GRIK3: variants seen among roughly 807,000 people sequenced by gnomAD.
GRIK3 encodes glutamate ionotropic receptor kainate type subunit 3, also known as glutamate receptor ionotropic, kainate 3.
GRIK3 carries 29 observed loss-of-function variants against 102.5 expected under a neutral mutation model. That is an observed-to-expected ratio of 0.28 (90% CI 0.21 to 0.39). The LOEUF is 0.39. Ranked by LOEUF, GRIK3 falls within the 10% of genes least tolerant of loss-of-function variation. GRIK3 has a pLI of 1.00. For synonymous variants in GRIK3, 511 were observed against 504.9 expected (o/e 1.01, Z -0.16); for missense variants, 908 against 1,252.4 (o/e 0.73, Z 4.15).
Position 36,805,200 on chromosome 1 carries a change from C to T in GRIK3, c.2352G>A (p.Leu784=), listed in dbSNP as rs535722062. ...PYRDKITIAI[L]QLQEEDKLHI... is the part of the protein sequence containing the mutation. ...GCAGCTTGTCCTCCTCCTGAAGCTG[C>T]AGGATGGCGATGGTGATCTTGTCCC... Residue 784 remains leucine, a synonymous_variant, in exon 15 of 16, where the codon CTG becomes CTA. Coordinates refer to ENST00000373091, the MANE Select transcript of GRIK3 (RefSeq NM_000831.4). The T allele has an allele frequency of 6.2e-7, 1 of 1,613,646 alleles. No individual in the cohort carries two copies. The highest frequency in any genetic ancestry group is 8.5e-7 in the Non-Finnish European group (1 of 1,179,812).
Position 36,850,265 on chromosome 1 carries a change from A to AC in GRIK3, c.1326+45dup, listed in dbSNP as rs1054513976. 3 of 1,259,068 alleles carry AC rather than the reference A, an allele frequency of 2.4e-6. No individual in the cohort carries two copies. Among genetic ancestry groups the AC allele is most frequent in the Non-Finnish European group, 3.5e-6 (3 of 856,070 alleles). 78.0% of individuals were successfully genotyped at this position (1,259,068 alleles called of 1,614,324 possible). A position where few individuals can be genotyped will look rare whatever the true frequency, so the allele number is the denominator to read the frequency against. Reference sequence around the variant, plus strand: ...ACTCTCCAGCCCGAACGGCCACCCCACCCCCAGGTCGGACAGTCCTTCCTG... The same window carrying AC: ...ACTCTCCAGCCCGAACGGCCACCCCACCCCCCAGGTCGGACAGTCCTTCCTG... On this transcript the variant is annotated intron_variant, in intron 9 of 15. Transcript: ENST00000373091. This position sits in a 1 kb window ranked among gnomAD's most constrained non-coding sequence, Gnocchi z 4.0.
In GRIK3 at chr1:36,982,357, T is replaced by G. The variant is rs558203261; in HGVS notation, c.115+51637A>C. ...CCACAGCTTCTGGAGGAGGCGGCCC[T>G]GCTTGGCGCACCATCCAGAGGAGCT... On this transcript the variant is annotated intron_variant, in intron 1 of 15. Transcript: ENST00000373091. Among the ~76,000 whole-genome samples, 8 of 152,302 alleles carry G rather than the reference T, an allele frequency of 5.3e-5. No homozygotes were observed. In the South Asian group the frequency reaches 1.7e-3, roughly 32 times the overall value.
At chr1:36,999,665 G>A (rs372666124) in intron 1 of GRIK3, among the ~76,000 whole-genome samples, 28 of 152,248 alleles carry the variant, frequency 1.8e-4, no homozygotes, top group African/African-American at 6.5e-4. Flanking sequence ...CACTGAGCCC[G>A]CTCCTACAGA....
intron 1 of GRIK3, among the ~76,000 whole-genome samples, chr1:36,931,519 C>T (rs1177464093): frequency 6.6e-6 from 1 of 152,192 alleles, no homozygotes; most frequent in Admixed American, 6.5e-5. Context: ...TTGTCTATAT[C>T]CCCTAAAAGA....
intron 1 of GRIK3, among the ~76,000 whole-genome samples, chr1:36,963,378 A>G (rs1642036625): frequency 6.6e-6 from 1 of 152,202 alleles, no homozygotes; most frequent in African/African-American, 2.4e-5. Context: ...CGTGAGAGTC[A>G]CACCAATGCT....
At chr1:36,834,298 G>A (rs1206995425) in intron 10 of GRIK3, among the ~76,000 whole-genome samples, 3 of 152,166 alleles carry the variant, frequency 2.0e-5, no homozygotes, top group Non-Finnish European at 2.9e-5. Context: ...TGTCTCAGGA[G>A]TGCCATCCTG....
chr1:36,970,295 A>G (rs1408059785), intron 1 of GRIK3, among the ~76,000 whole-genome samples: 2 of 152,158 alleles, frequency 1.3e-5, no homozygotes, highest in African/African-American at 4.8e-5. Flanking sequence ...TGTCTTCCAC[A>G]GGTGATGAGT....
rs538656966 is a variant in GRIK3, at chr1:36,796,911, A to G, written c.*4940T>C. 6.6e-6 allele frequency: 1 copy of G among 152,266 alleles called. No homozygotes were observed. The highest frequency in any genetic ancestry group is 2.1e-4 in the South Asian group (1 of 4,816). 9.4% of individuals were successfully genotyped at this position (152,266 alleles called of 1,614,324 possible). A position where few individuals can be genotyped will look rare whatever the true frequency, so the allele number is the denominator to read the frequency against. On this transcript the variant is annotated 3_prime_UTR_variant, in exon 16 of 16. Coordinates refer to ENST00000373091, the MANE Select transcript of GRIK3 (RefSeq NM_000831.4). The stretch of plus-strand genomic sequence containing the variant: ...AATTGCCCCAGAACTAGAATGTAAT[A>G]TTGGCACAGGGGCTGAGTACTAGCA...
chr1:36,926,385 C>G (rs1000632319), intron 1 of GRIK3, among the ~76,000 whole-genome samples: 4 of 151,542 alleles, frequency 2.6e-5, no homozygotes, highest in African/African-American at 7.3e-5. Flanking sequence ...TTCATCCCCT[C>G]TACGCCCCAC....
Position 36,970,041 on chromosome 1 carries a change from C to T in GRIK3, c.115+63953G>A, listed in dbSNP as rs190529628. Reference sequence around the variant, plus strand: ...ACAGGTAGGGTAAGGATGCTTGATGCCAGGTGTGATATCCAAAAACTGAGC... The same window carrying T: ...ACAGGTAGGGTAAGGATGCTTGATGTCAGGTGTGATATCCAAAAACTGAGC... On this transcript the variant is annotated intron_variant, in intron 1 of 15. Coordinates refer to ENST00000373091, the MANE Select transcript of GRIK3 (RefSeq NM_000831.4). 2.4e-3 allele frequency among the ~76,000 whole-genome samples: 361 copies of T among 152,266 alleles called. 2 individuals are homozygous for T. The highest frequency in any genetic ancestry group is 8.3e-3 in the African/African-American group (346 of 41,566).
At chr1:36,982,836 G>A (rs1375512308) in intron 1 of GRIK3, among the ~76,000 whole-genome samples, 3 of 151,998 alleles carry the variant, frequency 2.0e-5, no homozygotes, top group African/African-American at 4.8e-5. Flanking sequence ...GGGAAGGAGG[G>A]GGAGCGCCTG....
chr1:36,846,312 C>G (rs957013122), intron 9 of GRIK3, among the ~76,000 whole-genome samples: 2 of 152,172 alleles, frequency 1.3e-5, no homozygotes, highest in African/African-American at 4.8e-5. Context: ...GGGCTCTGTC[C>G]ATCTGTCTGT....
intron 10 of GRIK3, among the ~76,000 whole-genome samples, chr1:36,831,239 T>A (rs1640288376): frequency 6.6e-6 from 1 of 152,168 alleles, no homozygotes; most frequent in African/African-American, 2.4e-5. Flanking sequence ...CCCAGAGACG[T>A]GAACTTGACT....
intron 1 of GRIK3, among the ~76,000 whole-genome samples, chr1:36,904,849 G>C (rs516892): frequency 6.6e-6 from 1 of 152,158 alleles, no homozygotes; most frequent in Non-Finnish European, 1.5e-5. Context: ...TACTCTCTCT[G>C]TGTGTGTATG....
chr1:36,957,225 G>A (rs992233749), intron 1 of GRIK3, among the ~76,000 whole-genome samples: 45 of 152,252 alleles, frequency 3.0e-4, no homozygotes, highest in Middle Eastern at 3.4e-3. Context: ...AGGTGGGAGT[G>A]TGATCCTGAG....
At chr1:36,992,369 T>A (rs138785458) in intron 1 of GRIK3, among the ~76,000 whole-genome samples, 97 of 151,724 alleles carry the variant, frequency 6.4e-4, no homozygotes, top group African/African-American at 2.2e-3. Context: ...CCTTGGGAAA[T>A]CAGACAGCCT....
intron 1 of GRIK3, among the ~76,000 whole-genome samples, chr1:36,928,791 C>T (rs1641556856): frequency 6.6e-6 from 1 of 152,158 alleles, no homozygotes; most frequent in Non-Finnish European, 1.5e-5. Context: ...CCCTCTTTGT[C>T]CCCAATTATG....
At chr1:37,033,135 G>C (rs1642846505) in intron 1 of GRIK3, among the ~76,000 whole-genome samples, 1 of 152,224 alleles carries the variant, frequency 6.6e-6, no homozygotes, top group Non-Finnish European at 1.5e-5. Flanking sequence ...AGGCCTGCAG[G>C]GTGCCTTGGG....
At chr1:37,022,177 T>C (rs756828833) in intron 1 of GRIK3, among the ~76,000 whole-genome samples, 1 of 152,230 alleles carries the variant, frequency 6.6e-6, no homozygotes, top group Non-Finnish European at 1.5e-5. Flanking sequence ...GTTGTCTACA[T>C]ACCCTTGCAG....
Sources: allele counts gnomAD v4.1 joint callset (sites outside exome capture counted in the v4.1 genomes callset), GRCh38; gene constraint gnomAD v4.1.1; non-coding constraint Gnocchi (gnomAD v3.1); transcripts MANE v1.5; gene names NCBI Gene and HGNC (gene_info 2026-07-23, HGNC 2026-07-21).